PAM: variants seen among roughly 807,000 people sequenced by gnomAD.
PAM encodes the protein peptidylglycine alpha-amidating monooxygenase.
In PAM, 72 loss-of-function variants were observed where a neutral mutation model predicts 122.1. The ratio of observed to expected loss-of-function variants is 0.59; its 90% CI spans 0.49 to 0.72. The LOEUF (loss-of-function observed/expected upper bound fraction) is 0.72, where lower values mean the gene tolerates loss of function less well. Ranked by LOEUF, PAM falls within the 30% of genes least tolerant of loss-of-function variation. The pLI is 0.00. For missense variants in PAM, 1,106 were observed against 1,183.7 expected (o/e 0.93, Z 0.96); for synonymous variants, 389 against 404.4 (o/e 0.96, Z 0.46).
intron 1 of PAM, among the ~76,000 whole-genome samples, chr5:102,767,768 T>C (rs1232660912): frequency 6.6e-6 from 1 of 152,172 alleles, no homozygotes; most frequent in Non-Finnish European, 1.5e-5. Context: ...ATTGTTTATT[T>C]CTGCTTATTG....
chr5:103,007,402 C>A lies in PAM; in HGVS notation c.2015-55C>A. 4 of 1,462,196 alleles carry A rather than the reference C, an allele frequency of 2.7e-6. No individual in the cohort carries two copies. In the South Asian group the frequency reaches 3.5e-5, roughly 13 times the overall value. 90.6% of individuals were successfully genotyped at this position (1,462,196 alleles called of 1,614,324 possible). A position where few individuals can be genotyped will look rare whatever the true frequency, so the allele number is the denominator to read the frequency against. On this transcript the variant is annotated intron_variant, in intron 19 of 25. Coordinates refer to ENST00000438793, the MANE Select transcript of PAM (RefSeq NM_001177306.2). ...TGAATTTAGAAACATACTAGAGAGT[C>A]AAACTTTGGGTGATTTTTAACATTG...
intron 18 of PAM, among the ~76,000 whole-genome samples, chr5:103,006,320 C>A (rs1481546856): frequency 6.6e-6 from 1 of 151,624 alleles, no homozygotes; most frequent in Non-Finnish European, 1.5e-5. Flanking sequence ...GAGGCTAGGC[C>A]TCTAGTAAAT....
At chr5:102,841,937 G>C (rs1423136) in intron 1 of PAM, among the ~76,000 whole-genome samples, 4 of 151,904 alleles carry the variant, frequency 2.6e-5, no homozygotes, top group African/African-American at 9.7e-5. Flanking sequence ...TTATAGGTAA[G>C]TAGCATGTGG....
At chr5:102,863,303 C>G (rs1784659048) in intron 1 of PAM, among the ~76,000 whole-genome samples, 1 of 152,086 alleles carries the variant, frequency 6.6e-6, no homozygotes, top group African/African-American at 2.4e-5. Context: ...TTGCTCCTGC[C>G]ATTTCCCTGT....
chr5:102,966,979 T>TA (rs1764268485), intron 14 of PAM, among the ~76,000 whole-genome samples: 1 of 144,006 alleles, frequency 6.9e-6, no homozygotes, highest in South Asian at 2.2e-4. Context: ...TTACAATTTC[T>TA]AAAAAATTAG....
At chr5:102,874,883 T>C (rs544060180) in intron 3 of PAM, among the ~76,000 whole-genome samples, 1 of 152,262 alleles carries the variant, frequency 6.6e-6, no homozygotes, top group South Asian at 2.1e-4. Flanking sequence ...TTATCCCCAC[T>C]TTTTATATTA....
At chr5:102,771,847 G>A (rs979197740) in intron 1 of PAM, among the ~76,000 whole-genome samples, 2 of 152,126 alleles carry the variant, frequency 1.3e-5, no homozygotes, top group Non-Finnish European at 2.9e-5. Flanking sequence ...CCCTAGAGGG[G>A]CTGTGATATG....
intron 1 of PAM, among the ~76,000 whole-genome samples, chr5:102,805,000 C>T (rs74431097): frequency 0.014 from 2,120 of 151,016 alleles, 57 homozygotes; most frequent in African/African-American, 0.049. Flanking sequence ...CTTTTGAAAA[C>T]TGATAGAGTT....
At chr5:102,944,833 G>GAGAAC (rs1425781529) in intron 7 of PAM, among the ~76,000 whole-genome samples, 2 of 152,052 alleles carry the variant, frequency 1.3e-5, no homozygotes, top group Admixed American at 1.3e-4. Context: ...AGACCCTTCT[G>GAGAAC]AGAACATGTT....
chr5:102,782,233 T>C lies in PAM; in HGVS notation c.-374+26885T>C, dbSNP rs534162102. ...AAAGGTGAATTTGCTCTTTATAGGA[T>C]ATAAGAGCTTCTTTCATCTTGTCCA... On this transcript the variant is annotated intron_variant, in intron 1 of 25. Coordinates refer to ENST00000438793, the MANE Select transcript of PAM (RefSeq NM_001177306.2). Among the ~76,000 whole-genome samples, 90 of 152,354 alleles carry C rather than the reference T, an allele frequency of 5.9e-4. 2 individuals carry two copies. Among genetic ancestry groups the C allele is most frequent in the Non-Finnish European group, 2.8e-4 (19 of 68,022 alleles).
At chr5:102,970,259 A>G (rs886490808) in intron 14 of PAM, among the ~76,000 whole-genome samples, 3 of 152,258 alleles carry the variant, frequency 2.0e-5, no homozygotes, top group African/African-American at 7.2e-5. Context: ...TGTTTTGAAT[A>G]TAAATTAATT....
intron 23 of PAM, among the ~76,000 whole-genome samples, chr5:103,024,214 A>G (rs1349515017): frequency 6.6e-6 from 1 of 152,134 alleles, no homozygotes; most frequent in Non-Finnish European, 1.5e-5. Context: ...TTTCTATACA[A>G]ATACACATAT....
intron 7 of PAM, among the ~76,000 whole-genome samples, chr5:102,933,475 C>T (rs1251942498): frequency 6.6e-6 from 1 of 152,208 alleles, no homozygotes; most frequent in African/African-American, 2.4e-5. Context: ...GTGATCCACT[C>T]GGGTGTGGTT....
chr5:102,867,699 C>T lies in PAM; in HGVS notation c.210+306C>T, dbSNP rs1010849232. On this transcript the variant is annotated intron_variant, in intron 3 of 25. Transcript: ENST00000438793. ...GCCTCTGTAATGCAGCATGCAAGTACGCATTAAAATATGAAAAATTATTCT... is the reference window on the plus strand; with the variant it reads ...GCCTCTGTAATGCAGCATGCAAGTATGCATTAAAATATGAAAAATTATTCT... Among the ~76,000 whole-genome samples, 121 of 151,862 alleles carry T rather than the reference C, an allele frequency of 8.0e-4. 2 individuals are homozygous for T. The highest frequency in any genetic ancestry group is 1.8e-4 in the Non-Finnish European group (12 of 68,000).
intron 15 of PAM, among the ~76,000 whole-genome samples, chr5:102,977,010 C>T (rs1767895786): frequency 1.3e-5 from 2 of 152,160 alleles, no homozygotes; most frequent in Admixed American, 6.6e-5. Context: ...CAGTTGTTGA[C>T]ACCAGCATAA....
At chr5:102,787,956 C>T (rs996700771) in intron 1 of PAM, among the ~76,000 whole-genome samples, 1 of 152,018 alleles carries the variant, frequency 6.6e-6, no homozygotes, top group Non-Finnish European at 1.5e-5. Context: ...CAAAATAGAT[C>T]AATTTGCTTT....
intron 3 of PAM, among the ~76,000 whole-genome samples, chr5:102,888,047 A>G (rs544615898): frequency 3.3e-5 from 5 of 152,054 alleles, no homozygotes; most frequent in South Asian, 2.1e-4. Flanking sequence ...TAGCATCGTT[A>G]TTCAATTCAT....
At chr5:103,021,908 T>C (rs1378149144) in intron 23 of PAM, among the ~76,000 whole-genome samples, 1 of 152,058 alleles carries the variant, frequency 6.6e-6, no homozygotes, top group African/African-American at 2.4e-5. Context: ...ATAACACTTA[T>C]CCCTACTATG....
rs546081640 is a variant in PAM at position 102,792,593 on chromosome 5, T to C, written c.-374+37245T>C. ...TGCCACTGACTGGCATTGTGAAGAG[T>C]TGGAATGGGGCAGTGTAATAACATG... On this transcript the variant is annotated intron_variant, in intron 1 of 25. Coordinates refer to ENST00000438793, the MANE Select transcript of PAM (RefSeq NM_001177306.2). Among the ~76,000 whole-genome samples, 30 of 152,222 alleles carry C rather than the reference T, an allele frequency of 2.0e-4. No homozygotes were observed. In the East Asian group the frequency reaches 5.6e-3, roughly 28 times the overall value.
Sources: allele counts gnomAD v4.1 joint callset (sites outside exome capture counted in the v4.1 genomes callset), GRCh38; gene constraint gnomAD v4.1.1; transcripts MANE v1.5; gene names NCBI Gene and HGNC (gene_info 2026-07-23, HGNC 2026-07-21).